Variants in DSCAM observed in about 807,000 individuals in gnomAD.
DSCAM encodes the protein DS cell adhesion molecule, also known as cell adhesion molecule DSCAM.
DSCAM carries 47 observed loss-of-function variants against 217.7 expected under a neutral mutation model. The ratio of observed to expected loss-of-function variants is 0.22; its 90% CI spans 0.17 to 0.28. DSCAM has a LOEUF of 0.28. Ranked by LOEUF, DSCAM falls within the 10% of genes least tolerant of loss-of-function variation. DSCAM has a pLI of 1.00. For missense variants in DSCAM, 2,080 were observed against 2,618.3 expected, an observed-to-expected ratio of 0.79 and a Z score of 4.49; for synonymous variants, 1,056 against 1,015.3, an observed-to-expected ratio of 1.04 and a Z score of -0.76.
At chr21:40,520,342 A>T (rs1351848862) in intron 3 of DSCAM, among the ~76,000 whole-genome samples, 1 of 152,212 alleles carries the variant, frequency 6.6e-6, no homozygotes, top group Non-Finnish European at 1.5e-5. Context: ...GTCAGTTAAG[A>T]GGAGCAGGAT....
At chr21:40,637,909 C>T (rs1373614355) in intron 3 of DSCAM, among the ~76,000 whole-genome samples, 2 of 151,674 alleles carry the variant, frequency 1.3e-5, no homozygotes, top group Non-Finnish European at 2.9e-5. Flanking sequence ...GTCTTGAACT[C>T]CTGACCTCAG....
chr21:40,187,346 A>T lies in DSCAM; in HGVS notation c.2651-87T>A, dbSNP rs565958063. On this transcript the variant is annotated intron_variant, in intron 13 of 32. Transcript: ENST00000400454. ...TGGAAATGCTGAGCGTGACTCACAA[A>T]CGATTTGTCTGCATTAGACAAGAAC... The T allele has an allele frequency of 3.3e-6, 5 of 1,525,728 alleles. No individual in the cohort carries two copies. The East Asian group carries it at 9.3e-5, about 28-fold the overall frequency. The allele number at this position is 1,525,728 out of a possible 1,614,324, so 94.5% of individuals were successfully genotyped here.
chr21:40,664,743 ATTTTGAGGAC>A (rs979972032), intron 3 of DSCAM, among the ~76,000 whole-genome samples: 7 of 152,096 alleles, frequency 4.6e-5, no homozygotes, highest in African/African-American at 1.7e-4. Flanking sequence ...CGAAGAACCT[ATTTTGAGGAC>A]TTTTGTTCAG....
At chr21:40,628,476 T>C (rs1046284334) in intron 3 of DSCAM, among the ~76,000 whole-genome samples, 1 of 152,230 alleles carries the variant, frequency 6.6e-6, no homozygotes, top group African/African-American at 2.4e-5. Context: ...TTTGTTTTTG[T>C]AAATAAATCC....
At chr21:40,819,403 T>C (rs182174431) in intron 1 of DSCAM, among the ~76,000 whole-genome samples, 6 of 151,074 alleles carry the variant, frequency 4.0e-5, no homozygotes, top group East Asian at 1.9e-4. Context: ...AAACACATTA[T>C]TGGATTTTCA....
intron 11 of DSCAM, among the ~76,000 whole-genome samples, chr21:40,265,602 G>T (rs1330914773): frequency 6.6e-6 from 1 of 152,090 alleles, no homozygotes; most frequent in Admixed American, 6.6e-5. Context: ...ATACTACAAG[G>T]CTATAGTAAT....
At chr21:40,648,801 C>A (rs80134605) in intron 3 of DSCAM, among the ~76,000 whole-genome samples, 29,372 of 152,128 alleles carry the variant, frequency 0.19, 3,484 homozygotes, top group East Asian at 0.25. Flanking sequence ...CCCACTGTAT[C>A]CCCTCTCCAC....
chr21:40,222,270 C>G (rs1183305373), intron 11 of DSCAM, among the ~76,000 whole-genome samples: 4 of 152,198 alleles, frequency 2.6e-5, no homozygotes, highest in African/African-American at 9.7e-5. Context: ...AGTGCATCAA[C>G]ATTTGGAACG....
intron 1 of DSCAM, among the ~76,000 whole-genome samples, chr21:40,786,672 C>T (rs2123449920): frequency 6.6e-6 from 1 of 152,290 alleles, no homozygotes; most frequent in East Asian, 1.9e-4. Context: ...CTGGTTAAGG[C>T]AAGTCAGTGA....
chr21:40,114,100 G>A lies in DSCAM; in HGVS notation c.3696+10095C>T, dbSNP rs1366387084. Among the ~76,000 whole-genome samples the A allele has an allele frequency of 1.8e-4, 27 of 150,134 alleles. No homozygotes were observed. In the South Asian group the frequency reaches 3.6e-3, roughly 20 times the overall value. ...ATGGAACCAAAAAAGAGCCCGCATC[G>A]CCAAGTCAATCCTAAGCCAAAAGAA... On this transcript the variant is annotated intron_variant, in intron 20 of 32. Transcript: ENST00000400454.
chr21:40,435,052 A>G (rs535695338), intron 3 of DSCAM, among the ~76,000 whole-genome samples: 1 of 152,308 alleles, frequency 6.6e-6, no homozygotes, highest in Admixed American at 6.5e-5. Flanking sequence ...AATGGAATCG[A>G]TCAGTGATAG....
chr21:40,366,232 T>C (rs1024756614), intron 4 of DSCAM, among the ~76,000 whole-genome samples: 1 of 152,186 alleles, frequency 6.6e-6, no homozygotes, highest in African/African-American at 2.4e-5. Flanking sequence ...TTATTATTAA[T>C]ACTTATTCTC....
At chr21:40,019,017 T>G (rs987342565) in intron 32 of DSCAM, among the ~76,000 whole-genome samples, 1 of 152,220 alleles carries the variant, frequency 6.6e-6, no homozygotes, top group African/African-American at 2.4e-5. Context: ...ATGAGTTCTC[T>G]CAATAATTAA....
At chr21:40,286,954 G>A (rs2073834717) in intron 10 of DSCAM, among the ~76,000 whole-genome samples, 1 of 150,476 alleles carries the variant, frequency 6.6e-6, no homozygotes, top group Non-Finnish European at 1.5e-5. Flanking sequence ...TGTGATCCAT[G>A]GTGTGATCTG....
At chr21:40,515,830 G>A (rs1006967090) in intron 3 of DSCAM, among the ~76,000 whole-genome samples, 1 of 152,098 alleles carries the variant, frequency 6.6e-6, no homozygotes, top group Non-Finnish European at 1.5e-5. Context: ...CATGTGTCTA[G>A]TATAATACAT....
chr21:40,122,908 T>C (rs1297046612), intron 20 of DSCAM, among the ~76,000 whole-genome samples: 1 of 152,166 alleles, frequency 6.6e-6, no homozygotes, highest in Non-Finnish European at 1.5e-5. Context: ...TGGGCAAACA[T>C]ATCACCTTGA....
Position 40,397,993 on chromosome 21 carries a change from CACCCGGAGCATT to C in DSCAM, c.509-28760_509-28749del, listed in dbSNP as rs148286870. On this transcript the variant is annotated intron_variant, in intron 3 of 32. Coordinates refer to ENST00000400454, the MANE Select transcript of DSCAM (RefSeq NM_001389.5). Reference sequence around the variant, plus strand: ...ACTAGTTCTACCACTACTCTAAGAGCACCCGGAGCATTACTCCTTGTCAACTTACACTTTTGA... The same window carrying C: ...ACTAGTTCTACCACTACTCTAAGAGCACTCCTTGTCAACTTACACTTTTGA... 8.7e-3 allele frequency among the ~76,000 whole-genome samples: 1,330 copies of C among 152,296 alleles called. 24 individuals carry two copies. The highest frequency in any genetic ancestry group is 0.03 in the African/African-American group (1,258 of 41,560).
At chr21:40,723,733 A>C (rs2090926666) in intron 1 of DSCAM, among the ~76,000 whole-genome samples, 1 of 152,198 alleles carries the variant, frequency 6.6e-6, no homozygotes, top group Non-Finnish European at 1.5e-5. Context: ...CATCTACTAT[A>C]ATCTAAATTC....
chr21:40,017,967 A>G (rs1332509365), intron 32 of DSCAM, among the ~76,000 whole-genome samples: 1 of 152,254 alleles, frequency 6.6e-6, no homozygotes, highest in Non-Finnish European at 1.5e-5. Context: ...AGGCCTACCC[A>G]TTATAGACAC....
Sources: allele counts gnomAD v4.1 joint callset (sites outside exome capture counted in the v4.1 genomes callset), GRCh38; gene constraint gnomAD v4.1.1; transcripts MANE v1.5; gene names NCBI Gene and HGNC (gene_info 2026-07-23, HGNC 2026-07-21).